Variants in MGAT4C observed in about 807,000 individuals in gnomAD.
MGAT4C encodes the protein MGAT4 family member C.
MGAT4C carries 19 observed loss-of-function variants against 40.1 expected under a neutral mutation model. The ratio of observed to expected loss-of-function variants is 0.47; its 90% CI spans 0.33 to 0.70. The LOEUF (loss-of-function observed/expected upper bound fraction) is 0.70, where lower values mean the gene tolerates loss of function less well. Ranked by LOEUF, MGAT4C falls within the 30% of genes least tolerant of loss-of-function variation. The pLI is 0.02. For missense variants in MGAT4C, 491 were observed against 563.2 expected, an observed-to-expected ratio of 0.87 and a Z score of 1.30; for synonymous variants, 181 against 187.1, an observed-to-expected ratio of 0.97 and a Z score of 0.27.
intron 2 of MGAT4C, among the ~76,000 whole-genome samples, chr12:86,030,116 C>T (rs1255500721): frequency 6.6e-6 from 1 of 151,552 alleles, no homozygotes; most frequent in South Asian, 2.1e-4. Context: ...AGGTGTGGGT[C>T]GTGCCATTTT....
chr12:86,449,136 G>A (rs1957384584), intron 2 of MGAT4C, among the ~76,000 whole-genome samples: 1 of 151,964 alleles, frequency 6.6e-6, no homozygotes, highest in Non-Finnish European at 1.5e-5. Flanking sequence ...ACGTTTAGGT[G>A]GTATGTAACA....
intron 2 of MGAT4C, among the ~76,000 whole-genome samples, chr12:86,490,672 G>A (rs148108187): frequency 0.027 from 4,150 of 151,166 alleles, 156 homozygotes; most frequent in African/African-American, 0.087. Context: ...CTGTATTCAG[G>A]AAAGCAGAGA....
intron 1 of MGAT4C, among the ~76,000 whole-genome samples, chr12:86,148,326 C>T (rs1283403138): frequency 6.6e-6 from 1 of 152,146 alleles, no homozygotes; most frequent in Non-Finnish European, 1.5e-5. Context: ...ACTTGTACCC[C>T]TGAACTTAAA....
At chr12:86,253,291 C>G (rs1322071343) in intron 1 of MGAT4C, among the ~76,000 whole-genome samples, 1 of 151,554 alleles carries the variant, frequency 6.6e-6, no homozygotes. Context: ...GAAGTAGATA[C>G]TCAAGAGAAG....
At chr12:86,522,782 A>G (rs77527253) in intron 2 of MGAT4C, among the ~76,000 whole-genome samples, 1,595 of 152,122 alleles carry the variant, frequency 0.01, 19 homozygotes, top group East Asian at 0.047. Flanking sequence ...GGAGCTCATT[A>G]TCGGTGTGTT....
chr12:86,213,070 G>A (rs1181617157), intron 1 of MGAT4C, among the ~76,000 whole-genome samples: 3 of 151,984 alleles, frequency 2.0e-5, no homozygotes, highest in East Asian at 1.9e-4. Flanking sequence ...AGGAAGTGAC[G>A]TTTCCTTTAC....
intron 2 of MGAT4C, among the ~76,000 whole-genome samples, chr12:86,484,599 G>A (rs1957987036): frequency 6.6e-6 from 1 of 152,220 alleles, no homozygotes; most frequent in South Asian, 2.1e-4. Flanking sequence ...GCTGCAGCAT[G>A]CAGCATGGGA....
At chr12:86,100,615 T>G (rs1053186147) in intron 1 of MGAT4C, among the ~76,000 whole-genome samples, 33 of 151,556 alleles carry the variant, frequency 2.2e-4, no homozygotes, top group African/African-American at 8.0e-4. Flanking sequence ...TTCATTATTC[T>G]CCACTATTCA....
rs909442085 is a variant in MGAT4C, at chr12:86,641,761, A to G, written c.-229+85448T>C. Among the ~76,000 whole-genome samples, 6 of 151,810 alleles carry G rather than the reference A, an allele frequency of 4.0e-5. No homozygotes were observed. The South Asian group carries it at 8.3e-4, about 21-fold the overall frequency. On this transcript the variant is annotated intron_variant, in intron 2 of 7. Coordinates refer to the MGAT4C transcript ENST00000548651. ...ACATCTGATGAAAGCAAAGGAAAAC[A>G]TAACCTCCGCAAAAAAGGAGTATAA...
chr12:86,292,437 A>G (rs1953545319), intron 4 of MGAT4C, among the ~76,000 whole-genome samples: 1 of 93,326 alleles, frequency 1.1e-5, no homozygotes, highest in Non-Finnish European at 2.5e-5. Context: ...GAAAAACCCT[A>G]CTACTTTTTT....
chr12:86,685,738 G>T (rs1403055671), intron 2 of MGAT4C, among the ~76,000 whole-genome samples: 1 of 152,052 alleles, frequency 6.6e-6, no homozygotes, highest in Non-Finnish European at 1.5e-5. Context: ...CCTTGAAAAG[G>T]TTCTTCACAC....
At chr12:86,345,959 G>A (rs1333355529) in intron 3 of MGAT4C, among the ~76,000 whole-genome samples, 1 of 152,172 alleles carries the variant, frequency 6.6e-6, no homozygotes, top group Non-Finnish European at 1.5e-5. Context: ...ACTGGTGTGA[G>A]ATGGTATCTC....
At chr12:86,530,215 G>A (rs1958957722) in intron 2 of MGAT4C, among the ~76,000 whole-genome samples, 1 of 151,816 alleles carries the variant, frequency 6.6e-6, no homozygotes, top group South Asian at 2.1e-4. Flanking sequence ...GTCCTGCCTT[G>A]AAACCTAAAC....
At chr12:86,778,166 G>T (rs897041060) in intron 1 of MGAT4C, among the ~76,000 whole-genome samples, 2 of 152,100 alleles carry the variant, frequency 1.3e-5, no homozygotes, top group South Asian at 4.1e-4. Flanking sequence ...CAAGACGAAA[G>T]ATAAGGATAA....
At chr12:86,798,059 C>A (rs1309192773) in intron 1 of MGAT4C, among the ~76,000 whole-genome samples, 1 of 151,842 alleles carries the variant, frequency 6.6e-6, no homozygotes, top group African/African-American at 2.4e-5. Flanking sequence ...CAGTTGCTGT[C>A]AAGGTGTATA....
At chr12:86,019,206 T>C (rs556092852) in intron 2 of MGAT4C, among the ~76,000 whole-genome samples, 12 of 152,116 alleles carry the variant, frequency 7.9e-5, no homozygotes, top group Non-Finnish European at 1.3e-4. Context: ...TGAAAATAAC[T>C]TAAGTCTTTC....
intron 1 of MGAT4C, among the ~76,000 whole-genome samples, chr12:86,797,246 G>A (rs931494882): frequency 3.3e-5 from 5 of 151,298 alleles, no homozygotes; most frequent in Admixed American, 6.6e-5. Flanking sequence ...AATTTCAAGC[G>A]CCTTCCCATT....
chr12:86,717,866 C>G (rs895774064), intron 2 of MGAT4C, among the ~76,000 whole-genome samples: 1 of 152,134 alleles, frequency 6.6e-6, no homozygotes, highest in Non-Finnish European at 1.5e-5. Flanking sequence ...TTCTACTTCA[C>G]AGTTTATTAT....
intron 1 of MGAT4C, among the ~76,000 whole-genome samples, chr12:86,099,542 G>A (rs907339093): frequency 2.0e-5 from 3 of 151,386 alleles, no homozygotes; most frequent in African/African-American, 7.3e-5. Context: ...AGTGAGCAAA[G>A]GATATAAACA....
Sources: allele counts gnomAD v4.1 joint callset (sites outside exome capture counted in the v4.1 genomes callset), GRCh38; gene constraint gnomAD v4.1.1; transcripts MANE v1.5; gene names NCBI Gene and HGNC (gene_info 2026-07-23, HGNC 2026-07-21).